ADSL: variants seen among roughly 807,000 people sequenced by gnomAD.
ADSL encodes adenylosuccinase.
Under a neutral mutation model 62.1 loss-of-function variants are expected in ADSL, and 44 were observed. The observed-to-expected ratio is 0.71, with a 90% CI of 0.56 to 0.91. The LOEUF is 0.91. Among genes scored for constraint, ADSL ranks in the 40% least tolerant of loss-of-function variants. The pLI, the probability that ADSL is intolerant of heterozygous loss-of-function variation, is 0.00. For synonymous variants in ADSL, 198 were observed against 220.5 expected (o/e 0.90, Z 0.90); for missense variants, 531 against 627.4 (o/e 0.85, Z 1.64).
intron 2 of ADSL, among the ~76,000 whole-genome samples, chr22:40,380,364 A>AT (rs555526386): frequency 0.2 from 26,875 of 134,236 alleles, 3,160 homozygotes; most frequent in Admixed American, 0.36. Context: ...AATATCTATA[A>AT]TTTTTTTTTT....
At chr22:40,350,275 C>T (rs2044295463) in intron 2 of ADSL, 1 of 479,478 alleles carries the variant, frequency 2.1e-6, no homozygotes, top group Non-Finnish European at 3.7e-6. Flanking sequence ...AGGTGCCCAC[C>T]ACCACACTCG....
At chr22:40,355,908 C>T (rs1353656789) in intron 4 of ADSL, among the ~76,000 whole-genome samples, 1 of 151,680 alleles carries the variant, frequency 6.6e-6, no homozygotes, top group African/African-American at 2.4e-5. Flanking sequence ...AGGCTGGGTC[C>T]AGGTGCAGTG....
At chr22:40,354,398 A>G in intron 4 of ADSL, 71 bp downstream of exon 4, 2 of 1,197,446 alleles carry the variant, frequency 1.7e-6, no homozygotes, top group Non-Finnish European at 2.5e-6. Context: ...TCTGTTTTCC[A>G]CAGTAACCTT....
intron 2 of ADSL, among the ~76,000 whole-genome samples, chr22:40,385,983 C>G (rs1382505782): frequency 6.6e-6 from 1 of 151,978 alleles, no homozygotes; most frequent in East Asian, 1.9e-4. Flanking sequence ...TCCCAGGTAG[C>G]TGGGACTACA....
chr22:40,350,644 A>G lies in ADSL; in HGVS notation c.357+609A>G, dbSNP rs563031012. ...AATTTTTTTTTTTTCTTTGAGATGG[A>G]GTCTTGCTCTGTCACCCAGGCGGGA... On this transcript the variant is annotated intron_variant, in intron 2 of 12. Coordinates refer to ENST00000623063, the MANE Select transcript of ADSL (RefSeq NM_000026.4). Among the ~76,000 whole-genome samples, 15 of 150,814 alleles carry G rather than the reference A, an allele frequency of 9.9e-5. No individual in the cohort carries two copies. In the East Asian group the frequency reaches 2.9e-3, roughly 29 times the overall value.
chr22:40,377,672 C>A (rs553334079), intron 2 of ADSL, among the ~76,000 whole-genome samples: 2 of 150,406 alleles, frequency 1.3e-5, no homozygotes, highest in African/African-American at 4.9e-5. Context: ...CCTGTCTCTA[C>A]AAAAAAAAAC....
intron 12 of ADSL, among the ~76,000 whole-genome samples, chr22:40,365,387 G>T (rs1026000497): frequency 6.6e-6 from 1 of 151,452 alleles, no homozygotes; most frequent in African/African-American, 2.4e-5. Context: ...TTGGTCTTGA[G>T]AATGTGGTAT....
downstream of ADSL, among the ~76,000 whole-genome samples, chr22:40,370,169 G>A (rs1375697704): frequency 6.6e-6 from 1 of 151,752 alleles, no homozygotes; most frequent in Non-Finnish European, 1.5e-5. Flanking sequence ...GTGAAACCCC[G>A]TCTCTACTAA....
intron 2 of ADSL, chr22:40,379,213 C>T (rs182062406): frequency 2.0e-5 from 3 of 152,310 alleles, no homozygotes; most frequent in African/African-American, 7.2e-5. Context: ...GTGTTCCCGA[C>T]ACTTAAAACA....
chr22:40,353,492 C>A (rs1406063078), intron 3 of ADSL: 1 of 685,940 alleles, frequency 1.5e-6, no homozygotes, highest in South Asian at 1.5e-5. Context: ...CCATGTTGCC[C>A]AGGCTGGTCT....
In ADSL at chr22:40,363,036, C is replaced by A; in HGVS notation, c.1066C>A (p.Gln356Lys). 6.2e-7 allele frequency: 1 copy of A among 1,614,094 alleles called. No homozygotes were observed. Among genetic ancestry groups the A allele is most frequent in the Non-Finnish European group, 8.5e-7 (1 of 1,180,010 alleles). ...LTADTILNTL[Q>K]NISEGLVVYP... Reference sequence around the variant, plus strand: ...CGCAGATACTATATTGAATACGCTGCAGAACATTTCTGAAGGATTGGTCGT... The same window carrying A: ...CGCAGATACTATATTGAATACGCTGAAGAACATTTCTGAAGGATTGGTCGT... The change falls in exon 10 of 13, where the codon CAG (glutamine) becomes AAG (lysine). Residue 356 changes from glutamine to lysine, a missense_variant. Coordinates refer to ENST00000623063, the MANE Select transcript of ADSL (RefSeq NM_000026.4).
At chr22:40,374,654 A>G (rs2046251439) in intron 2 of ADSL, among the ~76,000 whole-genome samples, 1 of 152,204 alleles carries the variant, frequency 6.6e-6, no homozygotes, top group Non-Finnish European at 1.5e-5. Flanking sequence ...AGGCCAAGGT[A>G]GAGGATTGCT....
At chr22:40,379,888 T>G (rs1201292431) in intron 2 of ADSL, among the ~76,000 whole-genome samples, 1 of 152,102 alleles carries the variant, frequency 6.6e-6, no homozygotes, top group Non-Finnish European at 1.5e-5. Context: ...TTTTGTATTT[T>G]TTTGTAGAGA....
chr22:40,363,251 T>C (rs934928145), intron 10 of ADSL, among the ~76,000 whole-genome samples, 180 bp downstream of exon 10: 1 of 152,162 alleles, frequency 6.6e-6, no homozygotes, highest in African/African-American at 2.4e-5. Flanking sequence ...AGACACATTA[T>C]AGAAACAGAA....
chr22:40,348,798 G>A lies in ADSL; in HGVS notation c.154-1034G>A, dbSNP rs192060751. 7.7e-6 allele frequency: 3 copies of A among 388,146 alleles called. No individual in the cohort carries two copies. The Admixed American group carries it at 1.3e-4, about 17-fold the overall frequency. 24.0% of individuals were successfully genotyped at this position (388,146 alleles called of 1,614,324 possible). A position where few individuals can be genotyped will look rare whatever the true frequency, so the allele number is the denominator to read the frequency against. Reference sequence around the variant, plus strand: ...ATGCAAGATCCTTCCCGGAGTCACTGTTTGCAAGTTTCAAGTGAGGTTTAA... The same window carrying A: ...ATGCAAGATCCTTCCCGGAGTCACTATTTGCAAGTTTCAAGTGAGGTTTAA... On this transcript the variant is annotated intron_variant, in intron 1 of 12. Coordinates refer to ENST00000623063, the MANE Select transcript of ADSL (RefSeq NM_000026.4).
intron 2 of ADSL, among the ~76,000 whole-genome samples, chr22:40,374,686 G>C (rs2046254342): frequency 6.6e-6 from 1 of 152,164 alleles, no homozygotes; most frequent in Admixed American, 6.5e-5. Context: ...GTTCAAGACT[G>C]GTCTGGGCAA....
intron 4 of ADSL, 112 bp from the exon 5 acceptor site, chr22:40,358,751 AC>A (rs2044659794): frequency 1.1e-6 from 1 of 947,628 alleles, no homozygotes; most frequent in Non-Finnish European, 1.7e-6. Context: ...TCCCTCTCTT[AC>A]TTAAATTGTT....
At chr22:40,352,400 T>C (rs898446170) in intron 2 of ADSL, among the ~76,000 whole-genome samples, 3 of 151,920 alleles carry the variant, frequency 2.0e-5, no homozygotes, top group Non-Finnish European at 2.9e-5. Context: ...TGGTGGCGGG[T>C]GCCTGTAGTC....
At chr22:40,353,145 A>G in intron 3 of ADSL, 28 bp downstream of exon 3, 1 of 1,595,752 alleles carries the variant, frequency 6.3e-7, no homozygotes, top group Non-Finnish European at 8.6e-7. Context: ...GTTTCCTACC[A>G]ACCCTAGATT....
Sources: allele counts gnomAD v4.1 joint callset (sites outside exome capture counted in the v4.1 genomes callset), GRCh38; gene constraint gnomAD v4.1.1; transcripts MANE v1.5; gene names NCBI Gene and HGNC (gene_info 2026-07-23, HGNC 2026-07-21).